The following CDH18 variants were observed in gnomAD, a reference collection of about 807,000 sequenced individuals.
CDH18 encodes the protein cadherin 18.
CDH18 carries 31 observed loss-of-function variants against 67.9 expected under a neutral mutation model. The observed-to-expected ratio is 0.46, with a 90% CI of 0.34 to 0.62. CDH18 has a LOEUF of 0.62. CDH18 is among the 20% of genes least tolerant of loss of function. The pLI, the probability that CDH18 is intolerant of heterozygous loss-of-function variation, is 0.01. For missense variants in CDH18, 890 were observed against 975.5 expected, an observed-to-expected ratio of 0.91 and a Z score of 1.17; for synonymous variants, 362 against 347.2, an observed-to-expected ratio of 1.04 and a Z score of -0.48.
intron 2 of CDH18, among the ~76,000 whole-genome samples, chr5:20,238,087 A>T (rs1465621958): frequency 6.6e-6 from 1 of 151,984 alleles, no homozygotes; most frequent in African/African-American, 2.4e-5. Flanking sequence ...TTCTAGGAAA[A>T]AAATCGATCT....
At chr5:19,914,434 T>C (rs2150146933) in intron 2 of CDH18, among the ~76,000 whole-genome samples, 1 of 152,248 alleles carries the variant, frequency 6.6e-6, no homozygotes, top group East Asian at 1.9e-4. Flanking sequence ...TGTTTGCTTA[T>C]TTTTATATTT....
intron 1 of CDH18, among the ~76,000 whole-genome samples, chr5:20,494,155 T>C (rs2126403110): frequency 6.6e-6 from 1 of 152,268 alleles, no homozygotes; most frequent in East Asian, 1.9e-4. Flanking sequence ...ACTATTTTAC[T>C]CAAACAACGT....
At chr5:20,270,431 T>G (rs11744564) in intron 1 of CDH18, among the ~76,000 whole-genome samples, 17,782 of 152,058 alleles carry the variant, frequency 0.12, 1,582 homozygotes, top group African/African-American at 0.24. Flanking sequence ...ACCATAATGA[T>G]ACATAATTTC....
At chr5:19,936,050 T>C (rs945811434) in intron 2 of CDH18, among the ~76,000 whole-genome samples, 3 of 151,218 alleles carry the variant, frequency 2.0e-5, no homozygotes, top group Non-Finnish European at 3.0e-5. Context: ...AAAATCCATA[T>C]ATAATTAGCG....
At chr5:20,304,367 T>C in intron 1 of CDH18, 1 of 1,481,526 alleles carries the variant, frequency 6.7e-7, no homozygotes, top group Non-Finnish European at 9.4e-7. Context: ...TAGTTTACAC[T>C]TTTTGGAGTA....
chr5:19,513,101 A>T (rs1313173613), intron 10 of CDH18, among the ~76,000 whole-genome samples: 6 of 151,806 alleles, frequency 4.0e-5, no homozygotes, highest in Non-Finnish European at 7.4e-5. Context: ...GTCCTTATTT[A>T]TTTATTTATA....
At chr5:19,609,505 G>A (rs570781181) in intron 6 of CDH18, among the ~76,000 whole-genome samples, 1 of 151,876 alleles carries the variant, frequency 6.6e-6, no homozygotes, top group Non-Finnish European at 1.5e-5. Context: ...CTCTAGAGTA[G>A]AGACATTGTA....
chr5:20,134,474 C>T (rs922057715), intron 2 of CDH18, among the ~76,000 whole-genome samples: 4 of 152,056 alleles, frequency 2.6e-5, no homozygotes, highest in African/African-American at 4.8e-5. Flanking sequence ...TTTTGATTCA[C>T]TTTCAGAATT....
intron 1 of CDH18, among the ~76,000 whole-genome samples, chr5:20,302,040 T>G (rs1580704014): frequency 6.9e-6 from 1 of 145,710 alleles, no homozygotes; most frequent in African/African-American, 2.8e-5. Context: ...ACACAGGTTT[T>G]AAGAAAAAAA....
intron 2 of CDH18, among the ~76,000 whole-genome samples, chr5:19,877,582 C>T (rs997345569): frequency 6.6e-6 from 1 of 152,104 alleles, no homozygotes; most frequent in Non-Finnish European, 1.5e-5. Flanking sequence ...TTATTCAAAG[C>T]TGGCTATGTG....
At chr5:19,638,653 C>G (rs73760039) in intron 5 of CDH18, among the ~76,000 whole-genome samples, 16 of 151,602 alleles carry the variant, frequency 1.1e-4, no homozygotes, top group African/African-American at 3.2e-4. Context: ...TGCCTTCCCC[C>G]CCCGCGCCCC....
intron 7 of CDH18, among the ~76,000 whole-genome samples, chr5:19,586,341 TTC>T (rs1744132654): frequency 6.6e-6 from 1 of 152,124 alleles, no homozygotes. Context: ...TTAGCTATAC[TTC>T]CTGACCCTCT....
At chr5:20,395,084 G>T (rs1465756648) in intron 1 of CDH18, among the ~76,000 whole-genome samples, 1 of 152,072 alleles carries the variant, frequency 6.6e-6, no homozygotes, top group East Asian at 1.9e-4. Flanking sequence ...GAAATTCTAT[G>T]ACTGGGTATC....
At chr5:19,792,834 A>G (rs921973757) in intron 3 of CDH18, among the ~76,000 whole-genome samples, 1 of 152,202 alleles carries the variant, frequency 6.6e-6, no homozygotes, top group Non-Finnish European at 1.5e-5. Context: ...ATACTCCTCC[A>G]TAAAGATAAA....
chr5:19,477,813 A>T (rs1397792145), intron 12 of CDH18, among the ~76,000 whole-genome samples: 1 of 152,146 alleles, frequency 6.6e-6, no homozygotes, highest in Non-Finnish European at 1.5e-5. Flanking sequence ...TGTTACAAAA[A>T]AAAGAAAAGA....
intron 1 of CDH18, among the ~76,000 whole-genome samples, chr5:20,364,724 C>G (rs1444896495): frequency 2.0e-5 from 3 of 152,072 alleles, no homozygotes; most frequent in African/African-American, 7.2e-5. Flanking sequence ...GTAACTATTT[C>G]TAATGAGAAT....
intron 5 of CDH18, among the ~76,000 whole-genome samples, chr5:19,669,527 G>A (rs931539582): frequency 6.6e-6 from 1 of 151,934 alleles, no homozygotes; most frequent in African/African-American, 2.4e-5. Flanking sequence ...CTGACCTCAG[G>A]TGATCCTCCC....
chr5:20,018,872 G>T (rs559789791), intron 2 of CDH18, among the ~76,000 whole-genome samples: 19 of 150,362 alleles, frequency 1.3e-4, no homozygotes, highest in Non-Finnish European at 2.7e-4. Context: ...TCGACTCACT[G>T]CAAGCTCCGC....
chr5:19,623,649 T>C (rs536824761), intron 5 of CDH18, among the ~76,000 whole-genome samples: 20 of 152,106 alleles, frequency 1.3e-4, no homozygotes, highest in African/African-American at 4.8e-4. Context: ...TTTATGTAGA[T>C]TTTTTTAGTC....
Sources: allele counts gnomAD v4.1 joint callset (sites outside exome capture counted in the v4.1 genomes callset), GRCh38; gene constraint gnomAD v4.1.1; transcripts MANE v1.5; gene names NCBI Gene and HGNC (gene_info 2026-07-23, HGNC 2026-07-21).